Variants in MYO19 observed in about 807,000 individuals in gnomAD.
The protein encoded by MYO19 is unconventional myosin-XIX.
In MYO19, 132 loss-of-function variants were observed where a neutral mutation model predicts 129.2. The observed-to-expected ratio is 1.02, with a 90% CI of 0.89 to 1.18. MYO19 has a LOEUF of 1.18. Among genes scored for constraint, MYO19 ranks in the 50% most tolerant of loss-of-function variants. The pLI is 0.00. For synonymous variants in MYO19, 531 were observed against 477.2 expected (o/e 1.11, Z -1.47); for missense variants, 1,210 against 1,216.7 (o/e 0.99, Z 0.08).
chr17:36,538,408 C>G, upstream of MYO19: 1 of 1,614,032 alleles, frequency 6.2e-7, no homozygotes. Flanking sequence ...AGAATGGAAC[C>G]CAGTCTTTGT....
At position 36,499,154 on chromosome 17, in the gene MYO19, C is replaced by T. The variant is rs1250490733; in HGVS notation, c.2384G>A (p.Arg795His). The T allele has an allele frequency of 4.4e-6, 7 of 1,603,934 alleles. No individual in the cohort carries two copies. The highest frequency in any genetic ancestry group is 1.7e-4 in the Middle Eastern group (1 of 6,054). ...GATGTGTTTCCGAGTTAACCAGGAA[C>T]GAATGGCTAAGAGGTTTGCCCAGAA... ...RAVMLIQAAI[R>H]SWLTRKHIQR... Residue 795 changes from arginine (R) to histidine (H), a missense_variant, in exon 24 of 26, where the codon CGT becomes CAT. Transcript: ENST00000614623.
intron 15 of MYO19, 56 bp from the exon 16 acceptor site, chr17:36,507,568 C>T (rs1016331979): frequency 1.1e-4 from 169 of 1,558,642 alleles, no homozygotes; most frequent in Non-Finnish European, 1.2e-4. Flanking sequence ...GATGTCCTGA[C>T]GGGCCATCCA....
chr17:36,496,534 G>A (rs752007327), intron 25 of MYO19, 128 bp from the exon 26 acceptor site: 2 of 817,596 alleles, frequency 2.4e-6, no homozygotes, highest in South Asian at 1.8e-5. Context: ...GGCCACAGCA[G>A]GATTAAAATA....
At chr17:36,515,831 A>T in intron 7 of MYO19, 27 bp downstream of exon 7, 1 of 1,594,566 alleles carries the variant, frequency 6.3e-7, no homozygotes, top group East Asian at 2.3e-5. Context: ...TGGGACTGAG[A>T]TACTGTGCAA....
In MYO19 at chr17:36,507,096, G is replaced by A; in HGVS notation, c.1511C>T (p.Thr504Ile). 3.1e-6 allele frequency: 5 copies of A among 1,612,720 alleles called. No individual in the cohort carries two copies. Among genetic ancestry groups the A allele is most frequent in the Non-Finnish European group, 4.2e-6 (5 of 1,178,936 alleles). ...NRPSSAAQLQ[T>I]RIETALAGSP... ...GCCTGCCAGGGCAGTCTCAATGCGT[G>A]TCTGGAGCTGGGCTGCGCTGCTGGG... Residue 504 changes from threonine (T) to isoleucine (I), a missense_variant, in exon 17 of 26, where the codon ACA becomes ATA. Physicochemically the swap from Thr to Ile is moderately conservative, Grantham distance 89 (BLOSUM62 -1). Transcript: ENST00000614623.
chr17:36,539,543 G>GT (rs1157465365), upstream of MYO19, among the ~76,000 whole-genome samples: 6 of 152,112 alleles, frequency 3.9e-5, no homozygotes, highest in Non-Finnish European at 8.8e-5. Flanking sequence ...GGAGGCTGAG[G>GT]TGGGAGGATT....
chr17:36,503,894 G>A (rs1216936086), intron 20 of MYO19, 56 bp downstream of exon 20: 8 of 1,399,360 alleles, frequency 5.7e-6, no homozygotes, highest in Non-Finnish European at 7.6e-6. Flanking sequence ...CCCAATGAGA[G>A]TCCTGAGCCC....
chr17:36,503,888 A>G (rs760565354), intron 20 of MYO19, 62 bp downstream of exon 20: 112 of 1,361,144 alleles, frequency 8.2e-5, no homozygotes, highest in Middle Eastern at 1.9e-4. Flanking sequence ...CTCTTGCCCA[A>G]TGAGAGTCCT....
At chr17:36,538,621 CAGG>C (rs764762547), upstream of MYO19, 38 of 1,571,326 alleles carry the variant, frequency 2.4e-5, no homozygotes, top group African/African-American at 4.2e-4. Flanking sequence ...TGGTGATCAG[CAGG>C]AGTAGGATAT....
chr17:36,497,575 T>TA, intron 25 of MYO19: 1 of 984,478 alleles, frequency 1.0e-6, no homozygotes, highest in Non-Finnish European at 1.2e-6. Flanking sequence ...GACCTATTAT[T>TA]ACCCTAAACC....
At chr17:36,511,020 C>T (rs925800240) in intron 12 of MYO19, 103 bp from the exon 13 acceptor site, 3 of 1,311,142 alleles carry the variant, frequency 2.3e-6, no homozygotes, top group Non-Finnish European at 2.1e-6. Context: ...CCCAACTGGA[C>T]AGAAGAAACC....
At chr17:36,503,244 G>A in intron 20 of MYO19, 44 bp from the exon 21 acceptor site, 2 of 1,506,446 alleles carry the variant, frequency 1.3e-6, no homozygotes, top group Non-Finnish European at 1.8e-6. Context: ...CTTCATCTGT[G>A]AGCCAGGTTA....
In MYO19 at chr17:36,520,696, A is replaced by AT. The variant is rs2073079837; in HGVS notation, c.414+4531dup. Among the ~76,000 whole-genome samples, 4 of 152,306 alleles carry AT rather than the reference A, an allele frequency of 2.6e-5. No homozygotes were observed. The South Asian group carries it at 8.3e-4, about 32-fold the overall frequency. ...ATCCACTTTCACTTAAGTAGTAAAT[A>AT]TATTTCTTCCTTCTGACTTTCTTAA... On this transcript the variant is annotated intron_variant, in intron 6 of 25. Coordinates refer to ENST00000614623, the MANE Select transcript of MYO19 (RefSeq NM_001163735.2).
chr17:36,521,848 T>C (rs945536338), intron 6 of MYO19, among the ~76,000 whole-genome samples: 5 of 151,372 alleles, frequency 3.3e-5, no homozygotes, highest in African/African-American at 4.9e-5. Context: ...TTGGCCAACA[T>C]GGTGAAACCC....
intron 19 of MYO19, 63 bp downstream of exon 19, chr17:36,505,234 T>C: frequency 7.1e-7 from 1 of 1,412,970 alleles, no homozygotes; most frequent in Non-Finnish European, 1.0e-6. Flanking sequence ...CTGCCCTTCA[T>C]CTCTCCAGGG....
At chr17:36,497,563 T>C (rs2071105033) in intron 25 of MYO19, 3 of 985,130 alleles carry the variant, frequency 3.0e-6, no homozygotes, top group South Asian at 4.7e-5. Context: ...TTTTCTGTAA[T>C]TGACCTATTA....
At chr17:36,501,353 TC>T (rs1431720325) in intron 21 of MYO19, 118 bp from the exon 22 acceptor site, 84 of 1,082,344 alleles carry the variant, frequency 7.8e-5, no homozygotes, top group Non-Finnish European at 2.2e-5. Flanking sequence ...TGTTCTTGGC[TC>T]TAGCCATTTT....
In MYO19 at chr17:36,501,167, C is replaced by A. The variant is rs772669413; in HGVS notation, c.2149G>T (p.Val717Phe). The A allele has an allele frequency of 3.7e-6, 6 of 1,614,062 alleles. No homozygotes were observed. Among genetic ancestry groups the A allele is most frequent in the Non-Finnish European group, 5.1e-6 (6 of 1,179,902 alleles). The part of the protein sequence containing the change: ...LIQDILHTLP[V>F]LTQAAAITGD... ...GTTATGGCTGCTGCCTGAGTTAGGA[C>A]CGGCAGAGTGTGGAGAATGTCCTGG... The change falls in exon 22 of 26, where the codon GTC becomes TTC. Residue 717 changes from valine to phenylalanine, a missense_variant. Transcript: ENST00000614623.
Position 36,506,886 on chromosome 17 carries a change from G to C in MYO19, c.1644+77C>G, listed in dbSNP as rs546972553. 1.1e-4 allele frequency: 156 copies of C among 1,427,156 alleles called. 1 individual carries two copies. The South Asian group carries it at 2.2e-3, about 20-fold the overall frequency. 88.4% of individuals were successfully genotyped at this position (1,427,156 alleles called of 1,614,324 possible). On this transcript the variant is annotated intron_variant, in intron 17 of 25. Transcript: ENST00000614623. ...TCAGGAGAGAAAGGACTCACGATGG[G>C]AAACTACTATGTCTGCATAGCAAAG... is the stretch of plus-strand genomic sequence containing the variant.
Sources: allele counts gnomAD v4.1 joint callset (sites outside exome capture counted in the v4.1 genomes callset), GRCh38; gene constraint gnomAD v4.1.1; transcripts MANE v1.5; gene names NCBI Gene and HGNC (gene_info 2026-07-23, HGNC 2026-07-21).